SHISA6: variants seen among roughly 807,000 people sequenced by gnomAD.
SHISA6 encodes shisa family member 6, also known as protein shisa-6.
SHISA6 carries 22 observed loss-of-function variants against 47.9 expected under a neutral mutation model. The ratio of observed to expected loss-of-function variants is 0.46; its 90% CI spans 0.33 to 0.66. SHISA6 has a LOEUF of 0.66. SHISA6 is among the 30% of genes least tolerant of loss of function. The pLI is 0.02. For missense variants in SHISA6, 680 were observed against 764.6 expected (o/e 0.89, Z 1.30); for synonymous variants, 388 against 337.8 (o/e 1.15, Z -1.63).
At position 11,329,782 on chromosome 17, in the gene SHISA6, AG is replaced by A. The variant is rs1407146147; in HGVS notation, c.800-49629del. ...CCTGGTCTGAATTTTTAGCCATTGT[AG>A]GGTAAAGAAAATCGACTTAATATAG... On this transcript the variant is annotated intron_variant, in intron 2 of 5. Transcript: ENST00000441885. 9.2e-5 allele frequency among the ~76,000 whole-genome samples: 14 copies of A among 152,118 alleles called. No individual in the cohort carries two copies. The East Asian group carries it at 2.7e-3, about 29-fold the overall frequency.
rs192446840 is a variant in SHISA6 at position 11,358,270 on chromosome 17, T to A, written c.800-21144T>A. On this transcript the variant is annotated intron_variant, in intron 2 of 5. Transcript: ENST00000441885. The stretch of plus-strand genomic sequence containing the variant: ...CTCAGCTACTAGTCTAGGTACCTCA[T>A]ATAAATGGAGCCATACAGTATTTGT... Among the ~76,000 whole-genome samples, 471 of 152,292 alleles carry A rather than the reference T, an allele frequency of 3.1e-3. 3 individuals are homozygous for A. The highest frequency in any genetic ancestry group is 6.8e-3 in the Middle Eastern group (2 of 294).
intron 3 of SHISA6, among the ~76,000 whole-genome samples, chr17:11,383,872 G>A (rs538484212): frequency 6.6e-6 from 1 of 152,198 alleles, no homozygotes; most frequent in East Asian, 1.9e-4. Context: ...TCGTTAATTA[G>A]ACAAGATCAC....
chr17:11,289,206 T>C (rs1448241624), intron 2 of SHISA6: 1 of 152,184 alleles, frequency 6.6e-6, no homozygotes, highest in African/African-American at 2.4e-5. Flanking sequence ...ATATTTTTCT[T>C]TAAACTGTTA....
At position 11,470,411 on chromosome 17, in the gene SHISA6, C is replaced by T. The variant is rs566136661; in HGVS notation, c.896-81485C>T. On this transcript the variant is annotated intron_variant, in intron 3 of 5. Coordinates refer to ENST00000441885, the MANE Select transcript of SHISA6 (RefSeq NM_207386.4). Reference sequence around the variant, plus strand: ...GGGAGAATTCCTAACAGGTATCAGTCCCCAGAGACAAATGCAGAAAGCTGC... The same window carrying T: ...GGGAGAATTCCTAACAGGTATCAGTTCCCAGAGACAAATGCAGAAAGCTGC... Among the ~76,000 whole-genome samples the T allele has an allele frequency of 3.3e-5, 5 of 152,306 alleles. No individual in the cohort carries two copies. In the South Asian group the frequency reaches 1.0e-3, roughly 32 times the overall value.
chr17:11,376,580 T>G (rs2142242182), intron 2 of SHISA6, among the ~76,000 whole-genome samples: 1 of 152,246 alleles, frequency 6.6e-6, no homozygotes, highest in East Asian at 1.9e-4. Flanking sequence ...CACCTCGGCC[T>G]TCCAAAGTGC....
At chr17:11,520,544 T>C (rs984145495) in intron 3 of SHISA6, among the ~76,000 whole-genome samples, 2 of 152,164 alleles carry the variant, frequency 1.3e-5, no homozygotes, top group African/African-American at 4.8e-5. Flanking sequence ...CTTCTTGCTC[T>C]AAGCTGTGAT....
intron 2 of SHISA6, among the ~76,000 whole-genome samples, chr17:11,359,781 A>C: frequency 6.6e-6 from 1 of 152,036 alleles, no homozygotes; most frequent in East Asian, 1.9e-4. Context: ...GAAGTGGGAG[A>C]GGGTCATGTG....
intron 1 of SHISA6, among the ~76,000 whole-genome samples, chr17:11,249,736 T>A (rs1907732618): frequency 6.6e-6 from 1 of 152,234 alleles, no homozygotes; most frequent in African/African-American, 2.4e-5. Flanking sequence ...ATTTTAATTT[T>A]CCTAGGGTTG....
intron 3 of SHISA6, among the ~76,000 whole-genome samples, chr17:11,439,699 G>A (rs2142296212): frequency 6.6e-6 from 1 of 152,256 alleles, no homozygotes; most frequent in East Asian, 1.9e-4. Context: ...AGTAGAACTT[G>A]AGAAACATAA....
At chr17:11,378,416 C>A (rs1912889452) in intron 2 of SHISA6, among the ~76,000 whole-genome samples, 2 of 152,066 alleles carry the variant, frequency 1.3e-5, no homozygotes, top group Admixed American at 1.3e-4. Flanking sequence ...CGTTTCTGTC[C>A]ATTTTTAAAC....
At chr17:11,509,835 G>A (rs1413009091) in intron 3 of SHISA6, among the ~76,000 whole-genome samples, 3 of 152,186 alleles carry the variant, frequency 2.0e-5, no homozygotes, top group Non-Finnish European at 2.9e-5. Flanking sequence ...ATACTCTATT[G>A]TCTAGTGTGC....
At chr17:11,278,192 G>A (rs1908991745) in intron 2 of SHISA6, among the ~76,000 whole-genome samples, 1 of 152,180 alleles carries the variant, frequency 6.6e-6, no homozygotes, top group African/African-American at 2.4e-5. Context: ...GAATGGGGAG[G>A]GTCACTGGGA....
chr17:11,530,238 T>C (rs2071720984), intron 3 of SHISA6, among the ~76,000 whole-genome samples: 1 of 152,166 alleles, frequency 6.6e-6, no homozygotes, highest in African/African-American at 2.4e-5. Context: ...AACAACCTAG[T>C]TATCTAACAA....
At chr17:11,298,044 T>C (rs967089029) in intron 2 of SHISA6, among the ~76,000 whole-genome samples, 1 of 152,244 alleles carries the variant, frequency 6.6e-6, no homozygotes, top group African/African-American at 2.4e-5. Flanking sequence ...TTTCTAGTTA[T>C]GGTGTGCTTA....
chr17:11,461,663 G>C (rs1915695810), intron 3 of SHISA6, among the ~76,000 whole-genome samples: 1 of 152,172 alleles, frequency 6.6e-6, no homozygotes, highest in Non-Finnish European at 1.5e-5. Flanking sequence ...GGATTGGCTA[G>C]TTGGGATAAT....
chr17:11,358,132 C>T (rs573550540), intron 2 of SHISA6, among the ~76,000 whole-genome samples: 14 of 152,194 alleles, frequency 9.2e-5, no homozygotes, highest in Non-Finnish European at 1.6e-4. Context: ...AAACAATCTC[C>T]AGAACTTATT....
chr17:11,505,570 T>C (rs2071492129), intron 3 of SHISA6, among the ~76,000 whole-genome samples: 2 of 152,358 alleles, frequency 1.3e-5, no homozygotes, highest in African/African-American at 4.8e-5. Context: ...ATGAAGACCC[T>C]GATCAGTGAC....
chr17:11,331,533 G>T (rs1038561931), intron 2 of SHISA6, among the ~76,000 whole-genome samples: 3 of 151,658 alleles, frequency 2.0e-5, no homozygotes, highest in African/African-American at 7.3e-5. Context: ...ATGACTTTTT[G>T]AATGAAAAAA....
At chr17:11,334,170 A>G (rs996156416) in intron 2 of SHISA6, among the ~76,000 whole-genome samples, 1 of 152,170 alleles carries the variant, frequency 6.6e-6, no homozygotes, top group African/African-American at 2.4e-5. Context: ...GAGGCCTGAC[A>G]ACTGCAACCA....
Sources: gnomAD v4.1 joint callset for allele counts (sites outside exome capture counted in the v4.1 genomes callset) on GRCh38, gnomAD v4.1.1 for gene constraint, MANE v1.5 for transcripts, NCBI Gene and HGNC (gene_info 2026-07-23, HGNC 2026-07-21) for gene names.